RDX: variants seen among roughly 807,000 people sequenced by gnomAD.
The protein encoded by RDX is radixin.
Under a neutral mutation model 83.7 loss-of-function variants are expected in RDX, and 32 were observed. The observed-to-expected ratio is 0.38, with a 90% CI of 0.29 to 0.51. The LOEUF (loss-of-function observed/expected upper bound fraction) is 0.51. Ranked by LOEUF, RDX falls within the 20% of genes least tolerant of loss-of-function variation. The pLI is 0.87. For synonymous variants in RDX, 229 were observed against 222.7 expected, an observed-to-expected ratio of 1.03 and a Z score of -0.25; for missense variants, 600 against 689.9, an observed-to-expected ratio of 0.87 and a Z score of 1.46.
intron 3 of RDX, among the ~76,000 whole-genome samples, chr11:110,270,106 CTG>C (rs1860243386): frequency 6.6e-6 from 1 of 151,830 alleles, no homozygotes; most frequent in Non-Finnish European, 1.5e-5. Context: ...ACAATATGAA[CTG>C]TGTGTGCATG....
chr11:110,260,208 A>C (rs1591161285), intron 5 of RDX, among the ~76,000 whole-genome samples: 1 of 150,838 alleles, frequency 6.6e-6, no homozygotes, highest in South Asian at 2.1e-4. Context: ...CTGGTCTTGA[A>C]CTCCCAGCCT....
intron 12 of RDX, among the ~76,000 whole-genome samples, chr11:110,235,844 AATTCATT>A (rs561975445): frequency 6.6e-6 from 1 of 152,192 alleles, no homozygotes; most frequent in Non-Finnish European, 1.5e-5. Context: ...CCCAAAATTT[AATTCATT>A]ATTCAAGACC....
intron 15 of RDX, among the ~76,000 whole-genome samples, chr11:110,193,406 C>A (rs1010394465): frequency 6.6e-6 from 1 of 152,104 alleles, no homozygotes; most frequent in Non-Finnish European, 1.5e-5. Context: ...TGAAAAACCA[C>A]CCATTGGGTA....
chr11:110,296,295 GGCC>G (rs1343213816), intron 1 of RDX, among the ~76,000 whole-genome samples, 169 bp downstream of exon 1: 3 of 151,944 alleles, frequency 2.0e-5, no homozygotes, highest in Non-Finnish European at 4.4e-5. Context: ...TGGCCGGCCG[GGCC>G]GTTACCACAG....
At chr11:110,221,503 C>A (rs1173378265) in intron 14 of RDX, among the ~76,000 whole-genome samples, 1 of 151,798 alleles carries the variant, frequency 6.6e-6, no homozygotes, top group Non-Finnish European at 1.5e-5. Flanking sequence ...GTGGCTGAGG[C>A]AGAAGGATCG....
At chr11:110,183,906 G>A (rs549344678) in intron 15 of RDX, among the ~76,000 whole-genome samples, 98 of 152,356 alleles carry the variant, frequency 6.4e-4, no homozygotes, top group African/African-American at 2.1e-3. Flanking sequence ...CGCTGCTATC[G>A]ATGCTTAGGA....
intron 12 of RDX, 34 bp from the exon 13 acceptor site, chr11:110,233,513 C>T (rs750957063): frequency 6.2e-7 from 1 of 1,610,950 alleles, no homozygotes; most frequent in Non-Finnish European, 8.5e-7. Context: ...GAGCAACTTA[C>T]TTCAAAAATT....
chr11:110,260,834 A>G (rs1472262994), intron 5 of RDX, among the ~76,000 whole-genome samples: 1 of 152,190 alleles, frequency 6.6e-6, no homozygotes, highest in Non-Finnish European at 1.5e-5. Context: ...TATTATTACT[A>G]CTATGTAGTA....
chr11:110,268,190 C>G (rs1860136865), intron 3 of RDX, among the ~76,000 whole-genome samples: 1 of 151,860 alleles, frequency 6.6e-6, no homozygotes, highest in African/African-American at 2.4e-5. Flanking sequence ...GGCCTGTAAT[C>G]CCAGCTACTC....
At chr11:110,192,635 T>G in intron 15 of RDX, among the ~76,000 whole-genome samples, 1 of 152,210 alleles carries the variant, frequency 6.6e-6, no homozygotes, top group Middle Eastern at 3.4e-3. Flanking sequence ...GGTTTAATAT[T>G]CAGAGTCTCT....
intron 1 of RDX, among the ~76,000 whole-genome samples, chr11:110,287,997 G>A (rs1861055271): frequency 6.6e-6 from 1 of 152,144 alleles, no homozygotes; most frequent in Non-Finnish European, 1.5e-5. Flanking sequence ...GCTCTCTATT[G>A]TTAGCAGGTC....
At chr11:110,189,261 A>AAAAAAAAAAAAAAAAAAAAAAAAAAT (rs1863056901) in intron 15 of RDX, among the ~76,000 whole-genome samples, 1 of 147,478 alleles carries the variant, frequency 6.8e-6, no homozygotes, top group African/African-American at 2.6e-5. Context: ...AAAAAAAAAA[A>AAAAAAAAAAAAAAAAAAAAAAAAAAT]AAAAAAAGAC....
At chr11:110,209,411 G>T (rs562890772) in intron 14 of RDX, among the ~76,000 whole-genome samples, 15 of 151,832 alleles carry the variant, frequency 9.9e-5, no homozygotes, top group Non-Finnish European at 1.3e-4. Flanking sequence ...GAGGCTGGGG[G>T]AGGGGCGCCC....
intron 2 of RDX, among the ~76,000 whole-genome samples, chr11:110,279,415 A>G (rs1356570288): frequency 6.6e-6 from 1 of 152,154 alleles, no homozygotes; most frequent in African/African-American, 2.4e-5. Flanking sequence ...AATCCCAGCT[A>G]CTCAGGAGGC....
chr11:110,258,759 T>G (rs1859663624), intron 5 of RDX, among the ~76,000 whole-genome samples: 1 of 152,192 alleles, frequency 6.6e-6, no homozygotes, highest in Admixed American at 6.5e-5. Flanking sequence ...TAGGTAATAC[T>G]TTCAATTAAA....
At chr11:110,244,363 CAAAAAAAAAAAAAAA>C (rs71053874) in intron 10 of RDX, among the ~76,000 whole-genome samples, 3 of 51,292 alleles carry the variant, frequency 5.8e-5, no homozygotes, top group Admixed American at 3.5e-4. Flanking sequence ...GATTCTGGCT[CAAAAAAAAAAAAAAA>C]AAAAAAAAAA....
chr11:110,217,358 G>A (rs914184311), intron 14 of RDX, among the ~76,000 whole-genome samples: 3 of 152,084 alleles, frequency 2.0e-5, no homozygotes, highest in Non-Finnish European at 2.9e-5. Context: ...TTTTCCTACT[G>A]GAAGTCAGTT....
At chr11:110,199,038 C>A (rs915589476) in intron 15 of RDX, among the ~76,000 whole-genome samples, 13 of 152,114 alleles carry the variant, frequency 8.5e-5, no homozygotes, top group Non-Finnish European at 1.5e-4. Flanking sequence ...TAGTCTCGAA[C>A]TCCTGACCTC....
intron 15 of RDX, among the ~76,000 whole-genome samples, chr11:110,184,031 A>G (rs1862938076): frequency 6.6e-6 from 1 of 152,192 alleles, no homozygotes. Context: ...CTCAGCAATC[A>G]CAAACATCCC....
Sources: allele counts gnomAD v4.1 joint callset (sites outside exome capture counted in the v4.1 genomes callset), GRCh38; gene constraint gnomAD v4.1.1; transcripts MANE v1.5; gene names NCBI Gene and HGNC (gene_info 2026-07-23, HGNC 2026-07-21).